RAB38: variants seen among roughly 807,000 people sequenced by gnomAD.
RAB38 encodes RAB38, member RAS oncogene family, also known as ras-related protein Rab-38.
In RAB38, 15 loss-of-function variants were observed where a neutral mutation model predicts 18.4. The ratio of observed to expected loss-of-function variants is 0.82; its 90% confidence interval spans 0.55 to 1.26. RAB38 has a LOEUF of 1.26. Among genes scored for constraint, RAB38 ranks in the 50% most tolerant of loss-of-function variants. The pLI is 0.00. For synonymous variants in RAB38, 101 were observed against 104.4 expected (o/e 0.97, Z 0.20); for missense variants, 294 against 267.4 (o/e 1.10, Z -0.69).
chr11:87,932,401 A>G, the RAB38 span, among the ~76,000 whole-genome samples: 1 of 152,166 alleles, frequency 6.6e-6, no homozygotes, highest in Non-Finnish European at 1.5e-5. Context: ...CATGGCAGAA[A>G]GGCATCATGA....
At chr11:87,833,615 T>G in the RAB38 span, among the ~76,000 whole-genome samples, 1 of 152,202 alleles carries the variant, frequency 6.6e-6, no homozygotes, top group Admixed American at 6.5e-5. Flanking sequence ...TTATTTAATT[T>G]TCTCAAAAAT....
chr11:88,035,791 T>C, the RAB38 span, among the ~76,000 whole-genome samples: 2 of 152,204 alleles, frequency 1.3e-5, no homozygotes, highest in Non-Finnish European at 2.9e-5. Flanking sequence ...TCCTGCTTTA[T>C]GCACTGAAGC....
chr11:87,857,132 T>G, the RAB38 span, among the ~76,000 whole-genome samples: 2 of 152,072 alleles, frequency 1.3e-5, no homozygotes, highest in Non-Finnish European at 2.9e-5. Context: ...TTTGTCCTTG[T>G]GATAGTTTGC....
the RAB38 span, among the ~76,000 whole-genome samples, chr11:87,968,454 G>A: frequency 0.12 from 18,750 of 152,096 alleles, 1,511 homozygotes; most frequent in Non-Finnish European, 0.17. Flanking sequence ...GAAGTAATAT[G>A]GACACTTCTG....
the RAB38 span, among the ~76,000 whole-genome samples, chr11:87,814,261 T>A: frequency 7.2e-5 from 11 of 152,312 alleles, no homozygotes; most frequent in South Asian, 2.3e-3. Context: ...TATAATGTGC[T>A]ATGTCCGACG....
chr11:88,022,887 T>C, the RAB38 span, among the ~76,000 whole-genome samples: 2 of 152,136 alleles, frequency 1.3e-5, no homozygotes, highest in Non-Finnish European at 2.9e-5. Context: ...CAATGATTTA[T>C]ATTTTGGGGG....
the RAB38 span, among the ~76,000 whole-genome samples, chr11:88,052,903 T>TAAAG: frequency 9.2e-5 from 1 of 10,906 alleles, no homozygotes; most frequent in Admixed American, 1.4e-3. Flanking sequence ...AAAAATTTCA[T>TAAAG]ATATATATAT....
At chr11:87,959,105 G>A in the RAB38 span, among the ~76,000 whole-genome samples, 3 of 152,080 alleles carry the variant, frequency 2.0e-5, no homozygotes, top group Non-Finnish European at 1.5e-5. Context: ...CTAGGATTAA[G>A]ATCCCTACCT....
chr11:88,060,388 T>C, the RAB38 span: 3 of 152,348 alleles, frequency 2.0e-5, no homozygotes, highest in East Asian at 5.8e-4. Context: ...GAGTAACTTC[T>C]ATGTATCAAG....
At chr11:88,143,776 C>T (rs185462270) in intron 2 of RAB38, among the ~76,000 whole-genome samples, 18 of 152,318 alleles carry the variant, frequency 1.2e-4, no homozygotes, top group African/African-American at 3.8e-4. Flanking sequence ...ATATGCAACA[C>T]CCTGCCTTCT....
At chr11:88,149,265 A>T (rs1397218189) in intron 2 of RAB38, among the ~76,000 whole-genome samples, 1 of 152,250 alleles carries the variant, frequency 6.6e-6, no homozygotes, top group Non-Finnish European at 1.5e-5. Context: ...CCTGATGTAC[A>T]GGTGAACATA....
chr11:87,977,965 G>T, the RAB38 span, among the ~76,000 whole-genome samples: 79,466 of 79,488 alleles, frequency 1, 39,722 homozygotes, highest in Middle Eastern at 1. Flanking sequence ...ATATAAATAA[G>T]ATATATTATA....
At chr11:88,034,396 G>A in the RAB38 span, among the ~76,000 whole-genome samples, 1 of 152,178 alleles carries the variant, frequency 6.6e-6, no homozygotes, top group Non-Finnish European at 1.5e-5. Flanking sequence ...GGTTTACAGT[G>A]GTTGTATGTT....
At chr11:88,097,766 G>A in the RAB38 span, 15 of 151,852 alleles carry the variant, frequency 9.9e-5, no homozygotes, top group Admixed American at 9.2e-4. Flanking sequence ...TCTAGAAAAG[G>A]ACAGGATAGG....
At chr11:87,806,768 G>T in the RAB38 span, among the ~76,000 whole-genome samples, 1 of 152,182 alleles carries the variant, frequency 6.6e-6, no homozygotes, top group Non-Finnish European at 1.5e-5. Context: ...ATTAATCAAT[G>T]TTGCACTGAG....
At chr11:87,934,737 A>G in the RAB38 span, among the ~76,000 whole-genome samples, 9 of 152,182 alleles carry the variant, frequency 5.9e-5, no homozygotes, top group African/African-American at 1.9e-4. Context: ...TTAAAGTCTG[A>G]TCAGGAAAAA....
chr11:87,810,848 C>T, the RAB38 span, among the ~76,000 whole-genome samples: 2 of 151,728 alleles, frequency 1.3e-5, no homozygotes, highest in Non-Finnish European at 2.9e-5. Flanking sequence ...GCAGTGTATC[C>T]GTACATGTCT....
the RAB38 span, among the ~76,000 whole-genome samples, chr11:87,882,224 C>G: frequency 6.6e-5 from 10 of 151,838 alleles, no homozygotes; most frequent in Non-Finnish European, 1.2e-4. Flanking sequence ...AAAATAAGTT[C>G]TTTCTATGCT....
chr11:87,811,516 G>T, the RAB38 span, among the ~76,000 whole-genome samples: 1 of 151,984 alleles, frequency 6.6e-6, no homozygotes, highest in Admixed American at 6.6e-5. Flanking sequence ...TAAGAACCAC[G>T]TTATGGTCTG....
Sources: gnomAD v4.1 joint callset for allele counts (sites outside exome capture counted in the v4.1 genomes callset) on GRCh38, gnomAD v4.1.1 for gene constraint, MANE v1.5 for transcripts, NCBI Gene and HGNC (gene_info 2026-07-23, HGNC 2026-07-21) for gene names.